Variants in KLHL29 observed in about 807,000 individuals in gnomAD.
KLHL29 encodes the protein kelch like family member 29, also known as kelch-like protein 29.
In KLHL29, 21 loss-of-function variants were observed where a neutral mutation model predicts 80.4. That is an observed-to-expected ratio of 0.26 (90% CI 0.19 to 0.38). The LOEUF is 0.38. Among genes scored for constraint, KLHL29 ranks in the 10% least tolerant of loss-of-function variants. KLHL29 has a pLI of 1.00. For synonymous variants in KLHL29, 511 were observed against 526.8 expected (o/e 0.97, Z 0.41); for missense variants, 867 against 1,223.9 (o/e 0.71, Z 4.35).
chr2:23,393,818 G>T (rs115205597), intron 1 of KLHL29, among the ~76,000 whole-genome samples: 1 of 152,186 alleles, frequency 6.6e-6, no homozygotes, highest in African/African-American at 2.4e-5. Flanking sequence ...CCACACAGGA[G>T]GTTTGGGGTG....
chr2:23,388,980 T>TTTC (rs1553317242), intron 1 of KLHL29, among the ~76,000 whole-genome samples: 2 of 136,094 alleles, frequency 1.5e-5, no homozygotes, highest in Non-Finnish European at 3.0e-5. Context: ...TTTTTCTTTC[T>TTTC]TTCTTCTTCT....
chr2:23,626,997 C>A (rs1304450362), intron 3 of KLHL29, among the ~76,000 whole-genome samples: 1 of 152,198 alleles, frequency 6.6e-6, no homozygotes, highest in Non-Finnish European at 1.5e-5. Flanking sequence ...GAGCCTCATG[C>A]TGCCCTGGTT....
intron 11 of KLHL29, among the ~76,000 whole-genome samples, chr2:23,698,253 G>T (rs897739662): frequency 7.6e-6 from 1 of 131,134 alleles, no homozygotes; most frequent in Non-Finnish European, 1.7e-5. Flanking sequence ...AGGGCCCTGA[G>T]CCCTTCCTCA....
intron 13 of KLHL29, 86 bp downstream of exon 13, chr2:23,703,949 T>TG: frequency 5.7e-6 from 8 of 1,399,568 alleles, no homozygotes; most frequent in Non-Finnish European, 7.6e-6. Flanking sequence ...CTGCCATCAG[T>TG]GACCATAGCA....
chr2:23,538,398 C>CATTCTTATTCTGTTTTATCTTT (rs1666741525), intron 2 of KLHL29, among the ~76,000 whole-genome samples: 1 of 152,212 alleles, frequency 6.6e-6, no homozygotes. Context: ...TGTTTGGCTC[C>CATTCTTATTCTGTTTTATCTTT]ATTCTTATTC....
intron 2 of KLHL29, among the ~76,000 whole-genome samples, chr2:23,488,182 C>T (rs1664985338): frequency 1.3e-5 from 2 of 152,224 alleles, no homozygotes. Flanking sequence ...ACCTCCTGCC[C>T]CTGGCCTGAG....
intron 3 of KLHL29, among the ~76,000 whole-genome samples, chr2:23,567,900 A>G (rs1558391394): frequency 1.3e-5 from 2 of 152,234 alleles, no homozygotes; most frequent in Admixed American, 1.3e-4. Context: ...ATAAATTATC[A>G]GGGAACAATA....
intron 6 of KLHL29, among the ~76,000 whole-genome samples, chr2:23,687,441 C>G (rs1442197777): frequency 6.6e-6 from 1 of 152,346 alleles, no homozygotes; most frequent in East Asian, 1.9e-4. Context: ...CCAGTGCAGA[C>G]GCCCTGCCCC....
In KLHL29 at chr2:23,480,089, C is replaced by T. The variant is rs184489781; in HGVS notation, c.-46+4422C>T. ...CTGAGCTGTAAAACGGGAATAACCACGGCCTTCCCATTTCTCAGGACCTTG... is the reference window on the plus strand; with the variant it reads ...CTGAGCTGTAAAACGGGAATAACCATGGCCTTCCCATTTCTCAGGACCTTG... On this transcript the variant is annotated intron_variant, in intron 2 of 13. Transcript: ENST00000486442. Among the ~76,000 whole-genome samples, 123 of 152,312 alleles carry T rather than the reference C, an allele frequency of 8.1e-4. No homozygotes were observed. In the South Asian group the frequency reaches 0.013, roughly 16 times the overall value.
intron 2 of KLHL29, among the ~76,000 whole-genome samples, chr2:23,550,228 G>A (rs553611296): frequency 2.0e-5 from 3 of 152,272 alleles, no homozygotes; most frequent in Non-Finnish European, 2.9e-5. Flanking sequence ...AGGGCAGATC[G>A]TGCATTAACC....
At chr2:23,438,160 T>C (rs1366110025) in intron 1 of KLHL29, among the ~76,000 whole-genome samples, 2 of 150,642 alleles carry the variant, frequency 1.3e-5, no homozygotes, top group Non-Finnish European at 3.0e-5. Flanking sequence ...ACATTGATTT[T>C]GTATCCTGAG....
At chr2:23,659,477 G>A (rs749331) in intron 5 of KLHL29, among the ~76,000 whole-genome samples, 56,212 of 151,934 alleles carry the variant, frequency 0.37, 12,800 homozygotes, top group East Asian at 0.59. Context: ...CCAGAGCCTT[G>A]TCCTCAACCT....
chr2:23,628,110 C>T (rs1219609631), intron 3 of KLHL29, among the ~76,000 whole-genome samples: 2 of 151,964 alleles, frequency 1.3e-5, no homozygotes, highest in Non-Finnish European at 2.9e-5. Flanking sequence ...ATGGGGTTTG[C>T]CATCTTGACC....
intron 1 of KLHL29, among the ~76,000 whole-genome samples, chr2:23,440,464 C>T (rs1663483082): frequency 6.6e-6 from 1 of 152,124 alleles, no homozygotes; most frequent in South Asian, 2.1e-4. Flanking sequence ...CAACAAAAGC[C>T]ATAATTGACA....
chr2:23,403,726 A>AGTGTGTGTGTGT (rs36116395), intron 1 of KLHL29, among the ~76,000 whole-genome samples: 2 of 144,012 alleles, frequency 1.4e-5, no homozygotes, highest in African/African-American at 2.7e-5. Flanking sequence ...AGAGAGAGAG[A>AGTGTGTGTGTGT]GTGTGTGTGT....
At chr2:23,394,318 G>A (rs1163411374) in intron 1 of KLHL29, among the ~76,000 whole-genome samples, 1 of 152,162 alleles carries the variant, frequency 6.6e-6, no homozygotes. Context: ...TTCAGCTCCT[G>A]GAGCTTCTAA....
At chr2:23,589,315 T>C (rs1668199379) in intron 3 of KLHL29, among the ~76,000 whole-genome samples, 1 of 152,192 alleles carries the variant, frequency 6.6e-6, no homozygotes, top group Non-Finnish European at 1.5e-5. Flanking sequence ...GACAGCCAGA[T>C]CTAGAGCACA....
chr2:23,674,499 C>T (rs1279624985), intron 5 of KLHL29, among the ~76,000 whole-genome samples: 1 of 152,178 alleles, frequency 6.6e-6, no homozygotes, highest in East Asian at 1.9e-4. Flanking sequence ...CTGAACTTGT[C>T]TCTTGCCTCT....
Position 23,693,522 on chromosome 2 carries a change from C to G in KLHL29, c.1536C>G (p.Arg512=), listed in dbSNP as rs761498604. 77 of 1,549,854 alleles carry G rather than the reference C, an allele frequency of 5.0e-5. No homozygotes were observed. In the African/African-American group the frequency reaches 1.0e-3, roughly 21 times the overall value. ...IKWIKKDPAT[R]TQYAAELLAV... ...GGATCAAGAAGGACCCCGCGACACG[C>G]ACACAGGTGGGGCCTGCCCTGTCCC... The change falls in exon 8 of 14, where the codon CGC becomes CGG. Residue 512 remains arginine, a synonymous_variant. Transcript: ENST00000486442.
Sources: allele counts gnomAD v4.1 joint callset (sites outside exome capture counted in the v4.1 genomes callset), GRCh38; gene constraint gnomAD v4.1.1; transcripts MANE v1.5; gene names NCBI Gene and HGNC (gene_info 2026-07-23, HGNC 2026-07-21).